The following SNAP47 variants were observed in gnomAD, a reference collection of about 807,000 sequenced individuals.
SNAP47 encodes the protein synaptosomal-associated protein 47.
SNAP47 carries 20 observed loss-of-function variants against 31.4 expected under a neutral mutation model. The observed-to-expected ratio is 0.64, with a 90% CI of 0.45 to 0.93. SNAP47 has a LOEUF of 0.93. Ranked by LOEUF, SNAP47 falls within the 40% of genes least tolerant of loss-of-function variation. The pLI is 0.00. For synonymous variants in SNAP47, 194 were observed against 213.4 expected (o/e 0.91, Z 0.79); for missense variants, 492 against 528.5 (o/e 0.93, Z 0.68).
rs1663201053 is a variant in SNAP47 at position 227,763,611 on chromosome 1, G to A, written c.989-3348G>A. Among the ~76,000 whole-genome samples the A allele has an allele frequency of 6.6e-6, 1 of 152,196 alleles. No homozygotes were observed. Among genetic ancestry groups the A allele is most frequent in the Non-Finnish European group, 1.5e-5 (1 of 68,034 alleles). On this transcript the variant is annotated intron_variant, in intron 3 of 4. Coordinates refer to ENST00000617596, the MANE Select transcript of SNAP47 (RefSeq NM_053052.4). The surrounding 1 kb of genome is among the most constrained non-coding windows in gnomAD (Gnocchi z 4.2). ...GGGTTGGGCTGACTGGGGAGCCTGG[G>A]GGTACTGCATCAGCTGGCCTGGAGC...
chr1:227,777,370 G>A (rs528643181), intron 4 of SNAP47, among the ~76,000 whole-genome samples: 4 of 152,180 alleles, frequency 2.6e-5, no homozygotes, highest in Non-Finnish European at 4.4e-5. Flanking sequence ...GGGGACAGGC[G>A]TCTTGTGGGG....
At chr1:227,737,904 T>G (rs12090050) in intron 1 of SNAP47, among the ~76,000 whole-genome samples, 1 of 151,480 alleles carries the variant, frequency 6.6e-6, no homozygotes, top group Non-Finnish European at 1.5e-5. Flanking sequence ...TTTATTGGGG[T>G]TTTTTTTACA....
Position 227,769,679 on chromosome 1 carries a change from G to A in SNAP47, c.1113+2596G>A, listed in dbSNP as rs1464491337. On this transcript the variant is annotated intron_variant, in intron 4 of 4. Transcript: ENST00000617596. The stretch of plus-strand genomic sequence containing the variant: ...ACACGGCGAGCCCTTCTGTCTCTGG[G>A]GCCCTGGCCACTGTGTCACTGTGGT... Among the ~76,000 whole-genome samples the A allele has an allele frequency of 2.0e-5, 3 of 152,140 alleles. No homozygotes were observed. The South Asian group carries it at 6.2e-4, about 31-fold the overall frequency.
At chr1:227,735,367 G>A (rs1661040056), upstream of SNAP47, 1 of 1,591,376 alleles carries the variant, frequency 6.3e-7, no homozygotes, top group Non-Finnish European at 8.5e-7. Flanking sequence ...GCAGGGCGCC[G>A]CGTTTCTGCC....
At chr1:227,776,254 C>T (rs1371696829) in intron 4 of SNAP47, 2 of 1,039,676 alleles carry the variant, frequency 1.9e-6, no homozygotes, top group Non-Finnish European at 2.3e-6. Flanking sequence ...GTCTGGCTCG[C>T]AGGCATGCCC....
intron 1 of SNAP47, among the ~76,000 whole-genome samples, chr1:227,736,680 G>GT (rs1558187372): frequency 1.3e-4 from 16 of 126,510 alleles, no homozygotes; most frequent in African/African-American, 2.2e-4. Context: ...TTGTTTTTTT[G>GT]TTTTTGTTTT....
At chr1:227,732,647 G>A, upstream of SNAP47, 1 of 1,613,294 alleles carries the variant, frequency 6.2e-7, no homozygotes, top group South Asian at 1.1e-5. Context: ...ACTCTTCAAA[G>A]TTGATGCCCG....
intron 3 of SNAP47, among the ~76,000 whole-genome samples, chr1:227,760,736 CTA>C (rs1482937285): frequency 2.6e-5 from 4 of 152,214 alleles, no homozygotes; most frequent in Admixed American, 1.3e-4. Flanking sequence ...AGGTTTTGCT[CTA>C]TGGATGGCCT....
At chr1:227,755,966 C>T (rs997876218) in intron 2 of SNAP47, among the ~76,000 whole-genome samples, 2 of 152,206 alleles carry the variant, frequency 1.3e-5, no homozygotes, top group East Asian at 3.9e-4. Flanking sequence ...TTTGAATCTA[C>T]CTGTAACATG....
At chr1:227,771,635 A>G (rs114121935) in intron 4 of SNAP47, among the ~76,000 whole-genome samples, 19,682 of 148,032 alleles carry the variant, frequency 0.13, 1,808 homozygotes, top group African/African-American at 0.24. Flanking sequence ...ACGCCTGCTC[A>G]CCCGCCTCTG....
chr1:227,736,687 T>G (rs1266775351), intron 1 of SNAP47, among the ~76,000 whole-genome samples: 9 of 76,444 alleles, frequency 1.2e-4, no homozygotes, highest in East Asian at 5.4e-4. Flanking sequence ...TTTGTTTTTG[T>G]TTTTTTTTTT....
chr1:227,767,749 G>A (rs1663532759), intron 4 of SNAP47, among the ~76,000 whole-genome samples: 2 of 152,182 alleles, frequency 1.3e-5, no homozygotes, highest in Admixed American at 1.3e-4. Flanking sequence ...CTGTGCATGT[G>A]CGTGCATGTG....
chr1:227,776,277 G>A, intron 4 of SNAP47: 1 of 1,017,936 alleles, frequency 9.8e-7, no homozygotes, highest in South Asian at 4.1e-5. Context: ...GGGCCAGCCT[G>A]GATTGTACTG....
intron 1 of SNAP47, among the ~76,000 whole-genome samples, chr1:227,740,080 C>A (rs1661493423): frequency 6.6e-6 from 1 of 152,250 alleles, no homozygotes; most frequent in Admixed American, 6.5e-5. Context: ...ATAGTGCCTT[C>A]TGTAGTGCGA....
intron 4 of SNAP47, among the ~76,000 whole-genome samples, chr1:227,770,283 T>C (rs1304930532): frequency 6.6e-6 from 1 of 152,218 alleles, no homozygotes; most frequent in East Asian, 1.9e-4. Context: ...AGCCTGGTGC[T>C]GGGACGGGGG....
At chr1:227,732,669 A>G, upstream of SNAP47, 1 of 1,612,750 alleles carries the variant, frequency 6.2e-7, no homozygotes, top group Non-Finnish European at 8.5e-7. Context: ...GCAGGACCTC[A>G]TGATGACCTG....
chr1:227,738,301 A>C (rs1006225985), intron 1 of SNAP47, among the ~76,000 whole-genome samples: 2 of 152,080 alleles, frequency 1.3e-5, no homozygotes, highest in Non-Finnish European at 2.9e-5. Flanking sequence ...CGGCCTCCCA[A>C]AGTGCTGGGA....
intron 1 of SNAP47, among the ~76,000 whole-genome samples, chr1:227,747,454 C>CAT (rs1662038637): frequency 6.6e-6 from 1 of 152,094 alleles, no homozygotes; most frequent in Non-Finnish European, 1.5e-5. Flanking sequence ...GGGGGATGGG[C>CAT]ATAAGTCTGG....
Position 227,780,595 on chromosome 1 carries a change from G to A in SNAP47, c.1182G>A (p.Leu394=), listed in dbSNP as rs1292921500. The part of the protein sequence containing the change: ...ESELERQDEA[L]DGVAAAVDRA... ...AGCTGGAGAGACAAGACGAAGCCCT[G>A]GATGGCGTTGCAGCAGCTGTGGACA... is the stretch of plus-strand genomic sequence containing the variant. Residue 394 remains leucine, a synonymous_variant, in exon 5 of 5, where the codon CTG becomes CTA. Coordinates refer to ENST00000617596, the MANE Select transcript of SNAP47 (RefSeq NM_053052.4). 4.3e-6 allele frequency: 7 copies of A among 1,614,208 alleles called. No homozygotes were observed. The South Asian group carries it at 6.6e-5, about 15-fold the overall frequency.
Sources: gnomAD v4.1 joint callset for allele counts (sites outside exome capture counted in the v4.1 genomes callset) on GRCh38, gnomAD v4.1.1 for gene constraint, Gnocchi (gnomAD v3.1) non-coding constraint, MANE v1.5 for transcripts, NCBI Gene and HGNC (gene_info 2026-07-23, HGNC 2026-07-21) for gene names.